CALN1: variants seen among roughly 807,000 people sequenced by gnomAD.
The protein encoded by CALN1 is calcium-binding protein 8.
In CALN1, 17 loss-of-function variants were observed where a neutral mutation model predicts 30.6. That is an observed-to-expected ratio of 0.56 (90% CI 0.38 to 0.83). The LOEUF (loss-of-function observed/expected upper bound fraction) is 0.83, where lower values mean the gene tolerates loss of function less well. CALN1 is among the 40% of genes least tolerant of loss of function. The pLI is 0.00. For synonymous variants in CALN1, 156 were observed against 131.4 expected, an observed-to-expected ratio of 1.19 and a Z score of -1.28; for missense variants, 291 against 354.9, an observed-to-expected ratio of 0.82 and a Z score of 1.45.
At chr7:72,423,596 G>A (rs1232408150) in intron 1 of CALN1, among the ~76,000 whole-genome samples, 1 of 152,144 alleles carries the variant, frequency 6.6e-6, no homozygotes, top group Admixed American at 6.6e-5. Flanking sequence ...AAAAGGGTCT[G>A]GCATCTGATG....
At chr7:72,263,314 G>C (rs1045765010) in intron 3 of CALN1, among the ~76,000 whole-genome samples, 2 of 152,160 alleles carry the variant, frequency 1.3e-5, no homozygotes, top group East Asian at 3.8e-4. Flanking sequence ...ACATGGTACA[G>C]GTGAGAAAAT....
chr7:72,016,021 G>A (rs931512008), intron 5 of CALN1, among the ~76,000 whole-genome samples: 2 of 152,030 alleles, frequency 1.3e-5, no homozygotes, highest in Non-Finnish European at 2.9e-5. Flanking sequence ...GGCTGAGGCC[G>A]GCACATCACC....
intron 5 of CALN1, among the ~76,000 whole-genome samples, chr7:71,850,157 A>T (rs149389244): frequency 2.0e-5 from 3 of 152,320 alleles, no homozygotes; most frequent in Non-Finnish European, 4.4e-5. Context: ...ATATCCTTAC[A>T]TGGAATCTAT....
chr7:72,189,170 G>A (rs1444127046), intron 3 of CALN1, among the ~76,000 whole-genome samples: 1 of 152,226 alleles, frequency 6.6e-6, no homozygotes, highest in African/African-American at 2.4e-5. Flanking sequence ...AGCCATGGCT[G>A]AGAATCGTTG....
At chr7:72,041,491 C>A (rs1041655555) in intron 4 of CALN1, among the ~76,000 whole-genome samples, 1 of 152,152 alleles carries the variant, frequency 6.6e-6, no homozygotes, top group Non-Finnish European at 1.5e-5. Context: ...TCAAGCAATT[C>A]TCCTGCCTCA....
At chr7:72,102,301 C>T (rs13228214) in intron 4 of CALN1, among the ~76,000 whole-genome samples, 110,364 of 151,846 alleles carry the variant, frequency 0.73, 40,492 homozygotes, top group East Asian at 0.97. Flanking sequence ...AAAAATTAGC[C>T]GGGCGTGGTG....
chr7:72,017,274 A>C (rs1442233611), intron 5 of CALN1, among the ~76,000 whole-genome samples: 1 of 151,854 alleles, frequency 6.6e-6, no homozygotes, highest in Non-Finnish European at 1.5e-5. Context: ...CAAAAGGTAA[A>C]GCCTTTCCGG....
intron 3 of CALN1, among the ~76,000 whole-genome samples, chr7:72,194,309 C>T (rs984502809): frequency 7.9e-5 from 12 of 152,146 alleles, no homozygotes; most frequent in Non-Finnish European, 1.5e-4. Flanking sequence ...GCAGGTGGAT[C>T]ATCTGAGTTC....
At chr7:72,020,835 A>C (rs1800663093) in intron 5 of CALN1, among the ~76,000 whole-genome samples, 1 of 152,186 alleles carries the variant, frequency 6.6e-6, no homozygotes, top group Admixed American at 6.5e-5. Context: ...ATGAACCTGG[A>C]AGACAGGAGG....
chr7:72,053,784 C>G (rs570588882), intron 4 of CALN1, among the ~76,000 whole-genome samples: 1 of 150,426 alleles, frequency 6.6e-6, no homozygotes, highest in African/African-American at 2.5e-5. Context: ...TTATCCCTCA[C>G]CCCCCTCCCA....
chr7:72,219,653 GCACA>G (rs1174945931), intron 3 of CALN1, among the ~76,000 whole-genome samples: 3 of 149,558 alleles, frequency 2.0e-5, no homozygotes, highest in Non-Finnish European at 4.4e-5. Context: ...ACACACACAC[GCACA>G]CACACCCTTG....
rs988813682 is a variant in CALN1, at chr7:71,925,502, T to C, written c.501+98155A>G. Among the ~76,000 whole-genome samples, 13 of 151,768 alleles carry C rather than the reference T, an allele frequency of 8.6e-5. 1 individual carries two copies. Among genetic ancestry groups the C allele is most frequent in the African/African-American group, 3.1e-4 (13 of 41,470 alleles). ...ATTTTTTGGGTTTTTTTGGTTTTTT[T>C]TTTTGGTTGTTGTTTGGTCTGGAAA... is the stretch of plus-strand genomic sequence containing the variant. On this transcript the variant is annotated intron_variant, in intron 5 of 6. Coordinates refer to ENST00000395275, the MANE Select transcript of CALN1 (RefSeq NM_031468.4).
intron 5 of CALN1, among the ~76,000 whole-genome samples, chr7:71,838,847 G>T (rs576948857): frequency 6.6e-6 from 1 of 152,084 alleles, no homozygotes; most frequent in Admixed American, 6.6e-5. Context: ...TGCCATGATT[G>T]TAAGTTTCCT....
intron 2 of CALN1, among the ~76,000 whole-genome samples, chr7:72,347,686 A>C (rs187698320): frequency 6.6e-6 from 1 of 152,212 alleles, no homozygotes; most frequent in Non-Finnish European, 1.5e-5. Context: ...TACAACTTAC[A>C]ATCATTGGTA....
chr7:72,414,746 G>A (rs1446499519), upstream of CALN1, among the ~76,000 whole-genome samples: 1 of 152,164 alleles, frequency 6.6e-6, no homozygotes, highest in Non-Finnish European at 1.5e-5. Context: ...CATGGCAATG[G>A]TTTCCTTCCA....
chr7:72,401,525 G>A (rs574304825), intron 2 of CALN1, among the ~76,000 whole-genome samples: 2 of 152,224 alleles, frequency 1.3e-5, no homozygotes, highest in African/African-American at 4.8e-5. Context: ...AAGCCAGAAG[G>A]TGTAGAGACC....
intron 1 of CALN1, among the ~76,000 whole-genome samples, chr7:72,411,519 T>C (rs752640943): frequency 5.9e-5 from 9 of 152,242 alleles, no homozygotes; most frequent in Non-Finnish European, 8.8e-5. Context: ...TAAAAAAATA[T>C]GGACGTATCA....
chr7:72,267,002 C>T (rs1796639236), intron 3 of CALN1, among the ~76,000 whole-genome samples: 1 of 152,212 alleles, frequency 6.6e-6, no homozygotes, highest in African/African-American at 2.4e-5. Flanking sequence ...GACACTCCCC[C>T]TCTTATTGGG....
rs545252214 is a variant in CALN1, at chr7:72,190,327, G to A, written c.245-84033C>T. On this transcript the variant is annotated intron_variant, in intron 3 of 6. Transcript: ENST00000395275. ...GATTGCACCGCTGCACTCCAGCCTG[G>A]GTGACAGAGCAAGACTCCGTCTCAA... 3.3e-5 allele frequency among the ~76,000 whole-genome samples: 5 copies of A among 152,300 alleles called. No individual in the cohort carries two copies. The East Asian group carries it at 9.6e-4, about 29-fold the overall frequency.
Sources: gnomAD v4.1 joint callset for allele counts (sites outside exome capture counted in the v4.1 genomes callset) on GRCh38, gnomAD v4.1.1 for gene constraint, MANE v1.5 for transcripts, NCBI Gene and HGNC (gene_info 2026-07-23, HGNC 2026-07-21) for gene names.